The following NELL1 variants were observed in gnomAD, a reference collection of about 807,000 sequenced individuals.
The protein encoded by NELL1 is neural EGFL like 1, also known as protein kinase C-binding protein NELL1.
In NELL1, 76 loss-of-function variants were observed where a neutral mutation model predicts 107.4. The observed-to-expected ratio is 0.71, with a 90% CI of 0.59 to 0.86. The LOEUF (loss-of-function observed/expected upper bound fraction) is 0.86. Ranked by LOEUF, NELL1 falls within the 40% of genes least tolerant of loss-of-function variation. The pLI, the probability that NELL1 is intolerant of heterozygous loss-of-function variation, is 0.00. For synonymous variants in NELL1, 353 were observed against 341.2 expected, an observed-to-expected ratio of 1.03 and a Z score of -0.38; for missense variants, 1,024 against 1,005.5, an observed-to-expected ratio of 1.02 and a Z score of -0.25.
intron 14 of NELL1, among the ~76,000 whole-genome samples, chr11:21,348,927 T>A (rs931448315): frequency 1.3e-5 from 2 of 152,326 alleles, no homozygotes; most frequent in Non-Finnish European, 2.9e-5. Context: ...GGTCAGATTA[T>A]GAATGGCTTC....
At chr11:21,124,255 C>G (rs1211124608) in intron 13 of NELL1, among the ~76,000 whole-genome samples, 3 of 151,848 alleles carry the variant, frequency 2.0e-5, no homozygotes, top group African/African-American at 7.3e-5. Context: ...TTTTTTTCCC[C>G]CCGAAGTCTC....
At chr11:20,840,945 T>C (rs897463988) in intron 3 of NELL1, among the ~76,000 whole-genome samples, 1 of 152,256 alleles carries the variant, frequency 6.6e-6, no homozygotes, top group African/African-American at 2.4e-5. Flanking sequence ...TGCTGCCATT[T>C]CTTTTTACTT....
chr11:20,853,592 ACAT>A (rs1441995272), intron 4 of NELL1, among the ~76,000 whole-genome samples: 2 of 152,198 alleles, frequency 1.3e-5, no homozygotes, highest in Non-Finnish European at 2.9e-5. Flanking sequence ...TGAACATATA[ACAT>A]CATTAAGCAC....
chr11:21,033,851 T>C (rs1380301668), intron 12 of NELL1, among the ~76,000 whole-genome samples: 1 of 152,148 alleles, frequency 6.6e-6, no homozygotes, highest in African/African-American at 2.4e-5. Context: ...ATTTAACTTC[T>C]ACTAACCCTG....
intron 5 of NELL1, among the ~76,000 whole-genome samples, chr11:20,900,643 G>C (rs2403640): frequency 0.92 from 140,226 of 152,042 alleles, 64,814 homozygotes; most frequent in East Asian, 1. Context: ...GATTTGCAGA[G>C]TAGACAAGGA....
At position 20,897,761 on chromosome 11, in the gene NELL1, A is replaced by G. The variant is rs1252603940; in HGVS notation, c.603+12221A>G. Among the ~76,000 whole-genome samples, 3 of 152,386 alleles carry G rather than the reference A, an allele frequency of 2.0e-5. No homozygotes were observed. In the East Asian group the frequency reaches 5.8e-4, roughly 29 times the overall value. ...CCCCATCAACAAGTGGGCAAAGTAT[A>G]TGGATAGACACTTCTTAAAAGAAGA... On this transcript the variant is annotated intron_variant, in intron 5 of 19. Coordinates refer to ENST00000357134, the MANE Select transcript of NELL1 (RefSeq NM_006157.5).
At chr11:21,123,958 T>A (rs1855429980) in intron 13 of NELL1, among the ~76,000 whole-genome samples, 1 of 152,048 alleles carries the variant, frequency 6.6e-6, no homozygotes, top group African/African-American at 2.4e-5. Context: ...ATTTTTCACT[T>A]CAAATAATAA....
intron 14 of NELL1, among the ~76,000 whole-genome samples, chr11:21,307,951 A>C (rs1377957098): frequency 6.6e-6 from 1 of 152,014 alleles, no homozygotes; most frequent in African/African-American, 2.4e-5. Flanking sequence ...ATTTAGGGCC[A>C]TTTGTCATGA....
chr11:20,990,027 T>A (rs2134256419), intron 12 of NELL1, among the ~76,000 whole-genome samples: 1 of 151,922 alleles, frequency 6.6e-6, no homozygotes, highest in East Asian at 1.9e-4. Flanking sequence ...TCCAGTCTAG[T>A]TTGCGACTTC....
intron 3 of NELL1, among the ~76,000 whole-genome samples, chr11:20,839,059 AT>A (rs10710898): frequency 0.85 from 128,486 of 151,576 alleles, 54,950 homozygotes; most frequent in East Asian, 0.97. Context: ...AAATTAGCTT[AT>A]TTTTTTTTTA....
rs1202750714 is a variant in NELL1 at position 20,895,231 on chromosome 11, C to CACT, written c.603+9692_603+9694dup. 9.8e-5 allele frequency among the ~76,000 whole-genome samples: 11 copies of CACT among 112,316 alleles called. 1 individual carries two copies. The highest frequency in any genetic ancestry group is 3.3e-4 in the African/African-American group (9 of 27,270). The allele number at this position is 112,316 out of a possible 152,430, so 73.7% of individuals were successfully genotyped here. ...AGCTTGCAGTGAGCCGAGATCCCGC[C>CACT]ACTGCACTCCAGCCTGGGCGACAGA... On this transcript the variant is annotated intron_variant, in intron 5 of 19. Coordinates refer to ENST00000357134, the MANE Select transcript of NELL1 (RefSeq NM_006157.5).
chr11:21,217,964 G>T (rs370648220), intron 13 of NELL1, among the ~76,000 whole-genome samples: 1 of 152,108 alleles, frequency 6.6e-6, no homozygotes, highest in South Asian at 2.1e-4. Context: ...GAAATGAGAA[G>T]GAAGAAGAAA....
rs1316624105 is a variant in NELL1 at position 20,947,315 on chromosome 11, TC to T, written c.1072-18del. 5.2e-6 allele frequency: 8 copies of T among 1,535,588 alleles called. No individual in the cohort carries two copies. The highest frequency in any genetic ancestry group is 7.2e-6 in the Non-Finnish European group (8 of 1,108,590). ...CTAAAAATGTGAACATCTTTTTCTTTCCCTAATATTTGGCTTCCAGGGTGGA... is the reference window on the plus strand; with the variant it reads ...CTAAAAATGTGAACATCTTTTTCTTTCCTAATATTTGGCTTCCAGGGTGGA... On this transcript the variant is annotated intron_variant, in intron 10 of 19. Transcript: ENST00000357134.
intron 15 of NELL1, among the ~76,000 whole-genome samples, chr11:21,405,205 TGC>T (rs1852205589): frequency 0.029 from 1 of 34 alleles, no homozygotes; most frequent in African/African-American, 0.083. Flanking sequence ...TAGGTTTTGT[TGC>T]TGCTCCTTGG....
At chr11:21,419,731 A>G (rs918582053) in intron 15 of NELL1, among the ~76,000 whole-genome samples, 5 of 152,168 alleles carry the variant, frequency 3.3e-5, no homozygotes, top group Non-Finnish European at 7.4e-5. Context: ...GAAAGGTGCA[A>G]TATTCAAGTA....
Position 21,486,373 on chromosome 11 carries a change from G to A in NELL1, c.1646-48001G>A, listed in dbSNP as rs75166096. ...GGAAATTGCAGATATCACCAATGCT[G>A]CTTATAGGCCAGGAAATCATACAAA... On this transcript the variant is annotated intron_variant, in intron 15 of 19. Coordinates refer to ENST00000357134, the MANE Select transcript of NELL1 (RefSeq NM_006157.5). Among the ~76,000 whole-genome samples, 16 of 151,936 alleles carry A rather than the reference G, an allele frequency of 1.1e-4. No homozygotes were observed. In the East Asian group the frequency reaches 2.0e-3, roughly 19 times the overall value.
At chr11:20,969,874 A>C (rs1001748409) in intron 12 of NELL1, among the ~76,000 whole-genome samples, 5 of 152,168 alleles carry the variant, frequency 3.3e-5, no homozygotes, top group Admixed American at 6.5e-5. Context: ...TTGAATGTGA[A>C]AGCATTTTGC....
intron 12 of NELL1, among the ~76,000 whole-genome samples, chr11:21,063,706 C>T (rs575690857): frequency 2.6e-5 from 4 of 152,304 alleles, no homozygotes; most frequent in East Asian, 3.9e-4. Flanking sequence ...AGCAAAAAGA[C>T]GAATTCACCA....
intron 2 of NELL1, among the ~76,000 whole-genome samples, chr11:20,756,353 T>A (rs1303530858): frequency 6.6e-6 from 1 of 151,676 alleles, no homozygotes; most frequent in Non-Finnish European, 1.5e-5. Context: ...TTATTTATTT[T>A]TTTGAGATGG....
Sources: allele counts gnomAD v4.1 joint callset (sites outside exome capture counted in the v4.1 genomes callset), GRCh38; gene constraint gnomAD v4.1.1; transcripts MANE v1.5; gene names NCBI Gene and HGNC (gene_info 2026-07-23, HGNC 2026-07-21).